The following BTBD9 variants were observed in gnomAD, a reference collection of about 807,000 sequenced individuals.
BTBD9 encodes the protein BTB/POZ domain-containing protein 9.
In BTBD9, 49 loss-of-function variants were observed where a neutral mutation model predicts 64.3. The observed-to-expected ratio is 0.76, with a 90% CI of 0.61 to 0.97. The LOEUF (loss-of-function observed/expected upper bound fraction) is 0.97. BTBD9 is among the 50% of genes least tolerant of loss of function. The pLI, the probability that BTBD9 is intolerant of heterozygous loss-of-function variation, is 0.00. For synonymous variants in BTBD9, 260 were observed against 274.7 expected (o/e 0.95, Z 0.53); for missense variants, 598 against 762.1 (o/e 0.78, Z 2.53).
At chr6:38,418,028 C>A (rs965017860) in intron 6 of BTBD9, among the ~76,000 whole-genome samples, 2 of 150,910 alleles carry the variant, frequency 1.3e-5, no homozygotes, top group African/African-American at 4.9e-5. Context: ...GAACAATGTA[C>A]CCTAGAATTC....
At chr6:38,626,413 T>C (rs1402045904) in intron 1 of BTBD9, among the ~76,000 whole-genome samples, 2 of 152,148 alleles carry the variant, frequency 1.3e-5, no homozygotes. Context: ...ATTCATTCTT[T>C]TTTGCTTGTT....
intron 6 of BTBD9, among the ~76,000 whole-genome samples, chr6:38,479,233 GAC>G (rs1175720129): frequency 6.6e-6 from 1 of 152,080 alleles, no homozygotes; most frequent in African/African-American, 2.4e-5. Flanking sequence ...CAGGGGTTCA[GAC>G]ACACAACCCC....
chr6:38,383,881 T>G (rs1439313838), intron 6 of BTBD9, among the ~76,000 whole-genome samples: 3 of 152,198 alleles, frequency 2.0e-5, no homozygotes, highest in Non-Finnish European at 4.4e-5. Flanking sequence ...ATTTAGGAAC[T>G]GGGGAGGTGA....
At chr6:38,317,508 C>T (rs764589140) in intron 7 of BTBD9, among the ~76,000 whole-genome samples, 7 of 151,998 alleles carry the variant, frequency 4.6e-5, no homozygotes, top group Non-Finnish European at 8.8e-5. Context: ...GCTTAGTGTT[C>T]TAAACCTTCT....
chr6:38,234,353 C>A (rs147056145), intron 9 of BTBD9, among the ~76,000 whole-genome samples: 59 of 152,304 alleles, frequency 3.9e-4, no homozygotes, highest in African/African-American at 1.4e-3. Context: ...CACCCTGCAG[C>A]TGCTTGGGCC....
At chr6:38,395,709 T>G (rs1320702945) in intron 6 of BTBD9, among the ~76,000 whole-genome samples, 2 of 151,202 alleles carry the variant, frequency 1.3e-5, no homozygotes, top group African/African-American at 2.4e-5. Flanking sequence ...GTTTACTGTT[T>G]TTTTTTTTTT....
intron 6 of BTBD9, among the ~76,000 whole-genome samples, chr6:38,367,799 CAAAAAAAAAAAAAAAAA>C (rs575025737): frequency 3.6e-5 from 3 of 84,336 alleles, no homozygotes; most frequent in East Asian, 5.2e-4. Context: ...CCAGAAATGG[CAAAAAAAAAAAAAAAAA>C]AAAAAAAAAA....
intron 4 of BTBD9, among the ~76,000 whole-genome samples, chr6:38,583,310 A>G (rs187579391): frequency 6.6e-6 from 1 of 151,932 alleles, no homozygotes; most frequent in South Asian, 2.1e-4. Flanking sequence ...GACCAACCTG[A>G]CCAACATGGT....
Position 38,499,068 on chromosome 6 carries a change from A to G in BTBD9, c.1154+78532T>C, listed in dbSNP as rs115943539. Among the ~76,000 whole-genome samples the G allele has an allele frequency of 8.0e-3, 1,213 of 151,672 alleles. 14 individuals carry two copies. Among genetic ancestry groups the G allele is most frequent in the African/African-American group, 0.027 (1,102 of 41,336 alleles). ...TTATAGTTGGTCTTTTGCTGAGCCT[A>G]TTTTCGTCCGCTTTCTTATTTTCTC... On this transcript the variant is annotated intron_variant, in intron 6 of 10. Coordinates refer to ENST00000481247, the MANE Select transcript of BTBD9 (RefSeq NM_001099272.2).
chr6:38,505,071 T>C (rs1175872189), intron 6 of BTBD9, among the ~76,000 whole-genome samples: 1 of 152,232 alleles, frequency 6.6e-6, no homozygotes, highest in Non-Finnish European at 1.5e-5. Context: ...TCCACTATAC[T>C]ACCTTTTCCT....
chr6:38,603,934 A>G (rs1777341594), intron 1 of BTBD9, among the ~76,000 whole-genome samples: 1 of 152,168 alleles, frequency 6.6e-6, no homozygotes, highest in Non-Finnish European at 1.5e-5. Context: ...GCTTGGGGAG[A>G]TAAATGATGT....
chr6:38,600,821 A>G (rs1330286046), intron 1 of BTBD9, among the ~76,000 whole-genome samples: 4 of 152,222 alleles, frequency 2.6e-5, no homozygotes, highest in Non-Finnish European at 5.9e-5. Flanking sequence ...TGTATCTACC[A>G]TAATAAGTTC....
In BTBD9 at chr6:38,195,277, T is replaced by G. The variant is rs74622292; in HGVS notation, c.1563-2680A>C. ...GGGCCAGAAAACCACCTGCATTGTT[T>G]AGTCAATGCAAAACCTTGACTGCCA... On this transcript the variant is annotated intron_variant, in intron 9 of 10. Transcript: ENST00000481247. Among the ~76,000 whole-genome samples the G allele has an allele frequency of 4.6e-4, 70 of 152,322 alleles. No homozygotes were observed. In the East Asian group the frequency reaches 0.013, roughly 28 times the overall value.
intron 10 of BTBD9, among the ~76,000 whole-genome samples, chr6:38,183,899 T>C (rs1213025220): frequency 1.3e-5 from 2 of 152,116 alleles, no homozygotes; most frequent in Admixed American, 1.3e-4. Flanking sequence ...TATGGAGGGG[T>C]TACTGTGTGC....
intron 9 of BTBD9, among the ~76,000 whole-genome samples, chr6:38,225,732 G>A (rs1413232911): frequency 2.6e-5 from 4 of 152,028 alleles, no homozygotes; most frequent in Non-Finnish European, 2.9e-5. Context: ...CCAGGCAAGG[G>A]CAGGGGTACG....
At chr6:38,242,971 A>T (rs1268576761) in intron 9 of BTBD9, among the ~76,000 whole-genome samples, 1 of 152,250 alleles carries the variant, frequency 6.6e-6, no homozygotes, top group African/African-American at 2.4e-5. Context: ...ACATTCACAT[A>T]ATGGAGCAGT....
chr6:38,460,628 GT>G (rs1274779068), intron 6 of BTBD9, among the ~76,000 whole-genome samples: 2 of 151,898 alleles, frequency 1.3e-5, no homozygotes, highest in Non-Finnish European at 2.9e-5. Flanking sequence ...TTTTGTTTTT[GT>G]TTTTGTTTTT....
intron 6 of BTBD9, among the ~76,000 whole-genome samples, chr6:38,358,478 A>G (rs189725406): frequency 1.3e-5 from 2 of 152,212 alleles, no homozygotes; most frequent in African/African-American, 4.8e-5. Flanking sequence ...CATCCTCTTT[A>G]ATCCATGGAG....
At chr6:38,551,783 C>T (rs1360603733) in intron 6 of BTBD9, among the ~76,000 whole-genome samples, 1 of 152,192 alleles carries the variant, frequency 6.6e-6, no homozygotes, top group African/African-American at 2.4e-5. Flanking sequence ...TAGGTTTAGT[C>T]TGCATTTTAG....
Sources: gnomAD v4.1 joint callset for allele counts (sites outside exome capture counted in the v4.1 genomes callset) on GRCh38, gnomAD v4.1.1 for gene constraint, MANE v1.5 for transcripts, NCBI Gene and HGNC (gene_info 2026-07-23, HGNC 2026-07-21) for gene names.